CTNNA2: variants seen among roughly 807,000 people sequenced by gnomAD.
CTNNA2 encodes the protein catenin alpha 2, also known as catenin alpha-2.
Under a neutral mutation model 101.0 loss-of-function variants are expected in CTNNA2, and 42 were observed. That is an observed-to-expected ratio of 0.42 (90% CI 0.32 to 0.54). The LOEUF (loss-of-function observed/expected upper bound fraction) is 0.54. Among genes scored for constraint, CTNNA2 ranks in the 20% least tolerant of loss-of-function variants. The pLI is 0.14. For missense variants in CTNNA2, 871 were observed against 1,223.1 expected (o/e 0.71, Z 4.29); for synonymous variants, 450 against 456.4 (o/e 0.99, Z 0.18).
intron 3 of CTNNA2, among the ~76,000 whole-genome samples, chr2:79,844,472 A>G (rs768697817): frequency 6.6e-6 from 1 of 152,224 alleles, no homozygotes; most frequent in Non-Finnish European, 1.5e-5. Flanking sequence ...TGGATACTCT[A>G]CATTATTTTG....
At chr2:79,458,744 T>G (rs1408718871) in intron 4 of CTNNA2, among the ~76,000 whole-genome samples, 1 of 152,216 alleles carries the variant, frequency 6.6e-6, no homozygotes, top group Non-Finnish European at 1.5e-5. Flanking sequence ...TTACCCATTT[T>G]ATTTTCCATC....
At chr2:80,553,216 T>G (rs1373099551) in intron 11 of CTNNA2, among the ~76,000 whole-genome samples, 1 of 107,372 alleles carries the variant, frequency 9.3e-6, no homozygotes, top group African/African-American at 3.1e-5. Context: ...AGAGGGAGAC[T>G]CCGTCTCAAA....
intron 14 of CTNNA2, among the ~76,000 whole-genome samples, chr2:80,583,369 T>C (rs1695702359): frequency 6.6e-6 from 1 of 152,272 alleles, no homozygotes; most frequent in East Asian, 1.9e-4. Context: ...TTGCAGACTC[T>C]ATTTAATCCC....
At chr2:79,236,512 C>G (rs573868357) in intron 2 of CTNNA2, among the ~76,000 whole-genome samples, 2 of 152,254 alleles carry the variant, frequency 1.3e-5, no homozygotes, top group East Asian at 3.9e-4. Flanking sequence ...TTAATGTATG[C>G]CTATAATGAA....
intron 4 of CTNNA2, among the ~76,000 whole-genome samples, chr2:79,460,567 T>C (rs539738633): frequency 6.6e-6 from 1 of 152,326 alleles, no homozygotes; most frequent in African/African-American, 2.4e-5. Context: ...CCCGAATTAT[T>C]ACTTCCTAAA....
At position 79,376,019 on chromosome 2, in the gene CTNNA2, G is replaced by A. The variant is rs932569932; in HGVS notation, c.-135+2006G>A. On this transcript the variant is annotated intron_variant, in intron 4 of 21. Transcript: ENST00000466387. Reference sequence around the variant, plus strand: ...AATCAGACAATTAGCATCAGGAACCGAAAATGAAAGCATGCCCAGAGAGCA... The same window carrying A: ...AATCAGACAATTAGCATCAGGAACCAAAAATGAAAGCATGCCCAGAGAGCA... Among the ~76,000 whole-genome samples, 4 of 152,266 alleles carry A rather than the reference G, an allele frequency of 2.6e-5. 1 individual carries two copies. In the South Asian group the frequency reaches 6.2e-4, roughly 24 times the overall value.
At chr2:80,539,895 G>A (rs1186180113) in intron 9 of CTNNA2, among the ~76,000 whole-genome samples, 1 of 152,140 alleles carries the variant, frequency 6.6e-6, no homozygotes, top group African/African-American at 2.4e-5. Flanking sequence ...TAAGCTTCCA[G>A]GAAGGCGATT....
At chr2:80,355,694 G>C (rs1673717168) in intron 7 of CTNNA2, among the ~76,000 whole-genome samples, 2 of 152,112 alleles carry the variant, frequency 1.3e-5, no homozygotes, top group African/African-American at 4.8e-5. Context: ...CATCAGCAAA[G>C]ATGCTCCGTT....
chr2:79,806,224 A>AC (rs1389851011), intron 3 of CTNNA2, among the ~76,000 whole-genome samples: 2 of 16,822 alleles, frequency 1.2e-4, no homozygotes, highest in African/African-American at 8.5e-4. Flanking sequence ...TTGGAGTTTT[A>AC]TTTAAAAAAA....
chr2:80,522,659 C>A (rs6547314), intron 9 of CTNNA2, among the ~76,000 whole-genome samples: 3,864 of 151,902 alleles, frequency 0.025, 77 homozygotes, highest in East Asian at 0.083. Context: ...TAGTACCATC[C>A]CCTTAGTGCT....
At chr2:79,346,179 A>G (rs1228463141) in intron 3 of CTNNA2, among the ~76,000 whole-genome samples, 2 of 152,146 alleles carry the variant, frequency 1.3e-5, no homozygotes, top group Non-Finnish European at 1.5e-5. Flanking sequence ...TTTGTGTTGC[A>G]TTGGCTTATG....
rs549075095 is a variant in CTNNA2 at position 80,231,248 on chromosome 2, G to C, written c.1057-161963G>C. ...GTGATCCACCCTCCTCAGTCTCCCA[G>C]AGTATTATGATTACAGGTGTGAGCC... On this transcript the variant is annotated intron_variant, in intron 7 of 18. Transcript: ENST00000402739. Among the ~76,000 whole-genome samples, 78 of 152,112 alleles carry C rather than the reference G, an allele frequency of 5.1e-4. 1 individual carries two copies. The South Asian group carries it at 0.016, about 31-fold the overall frequency.
chr2:79,270,350 T>C (rs1159131379), intron 2 of CTNNA2, among the ~76,000 whole-genome samples: 1 of 152,124 alleles, frequency 6.6e-6, no homozygotes, highest in Non-Finnish European at 1.5e-5. Context: ...TGGTCCTTTT[T>C]TTTCTGATGT....
At chr2:79,682,512 T>C (rs1462084262) in intron 2 of CTNNA2, among the ~76,000 whole-genome samples, 1 of 151,892 alleles carries the variant, frequency 6.6e-6, no homozygotes, top group Non-Finnish European at 1.5e-5. Flanking sequence ...ATATATAGCC[T>C]GAACAAAAGG....
rs2302875 is a variant in CTNNA2 at position 80,604,356 on chromosome 2, G to A, written c.2295+177G>A. 0.3 allele frequency among the ~76,000 whole-genome samples: 45,564 copies of A among 151,802 alleles called. 7,754 individuals carry two copies. Among genetic ancestry groups the A allele is most frequent in the East Asian group, 0.43 (2,196 of 5,090 alleles). On this transcript the variant is annotated intron_variant, in intron 16 of 18. Coordinates refer to ENST00000402739, the MANE Select transcript of CTNNA2 (RefSeq NM_001282597.3). ...TCCTGACACTGTGCTAGTGGCAAAC[G>A]TAGATTTAGCTCAGGAGAGAATGCT...
intron 1 of CTNNA2, among the ~76,000 whole-genome samples, chr2:79,615,356 A>C (rs115482553): frequency 0.021 from 3,160 of 152,220 alleles, 117 homozygotes; most frequent in African/African-American, 0.072. Context: ...AGTTTTCTGA[A>C]AAAATGCATT....
Position 79,740,133 on chromosome 2 carries a change from T to G in CTNNA2, c.103-4254T>G, listed in dbSNP as rs145698549. On this transcript the variant is annotated intron_variant, in intron 2 of 18. Coordinates refer to ENST00000402739, the MANE Select transcript of CTNNA2 (RefSeq NM_001282597.3). ...ACCCAGGTATTTAACCTAATGCTTA[T>G]TAATTATTTTTCCTGATTCTCTCCC... Among the ~76,000 whole-genome samples, 698 of 152,268 alleles carry G rather than the reference T, an allele frequency of 4.6e-3. 1 individual carries two copies. The highest frequency in any genetic ancestry group is 0.018 in the South Asian group (88 of 4,830).
At chr2:80,116,376 T>TAAA (rs563446744) in intron 7 of CTNNA2, among the ~76,000 whole-genome samples, 7 of 65,338 alleles carry the variant, frequency 1.1e-4, no homozygotes, top group African/African-American at 2.7e-4. Flanking sequence ...CCTAAAAAGC[T>TAAA]AAAAAAAAAA....
At chr2:80,550,523 A>G (rs187649991) in intron 11 of CTNNA2, among the ~76,000 whole-genome samples, 4 of 152,364 alleles carry the variant, frequency 2.6e-5, no homozygotes, top group Non-Finnish European at 5.9e-5. Context: ...AATTGGAGTC[A>G]GTCCTCTCAA....
Sources: allele counts gnomAD v4.1 joint callset (sites outside exome capture counted in the v4.1 genomes callset), GRCh38; gene constraint gnomAD v4.1.1; transcripts MANE v1.5; gene names NCBI Gene and HGNC (gene_info 2026-07-23, HGNC 2026-07-21).